The following CTNNA3 variants were observed in gnomAD, a reference collection of about 807,000 sequenced individuals.
CTNNA3 encodes the protein catenin alpha-3.
A neutral mutation model predicts 95.7 loss-of-function variants in CTNNA3; 76 were observed. The observed-to-expected ratio is 0.79, with a 90% confidence interval of 0.66 to 0.96. The LOEUF (loss-of-function observed/expected upper bound fraction) is 0.96, where lower values mean the gene tolerates loss of function less well. Among genes scored for constraint, CTNNA3 ranks in the 40% least tolerant of loss-of-function variants. The pLI is 0.00. For synonymous variants in CTNNA3, 431 were observed against 374.4 expected (o/e 1.15, Z -1.74); for missense variants, 1,191 against 1,089.8 (o/e 1.09, Z -1.31).
rs1195554305 is a variant in CTNNA3, at chr10:66,617,681, A to T, written c.1374+4011T>A. On this transcript the variant is annotated intron_variant, in intron 10 of 17. Coordinates refer to ENST00000433211, the MANE Select transcript of CTNNA3 (RefSeq NM_013266.4). ...AGGGATGCCCTCTCTCACCACTCCT[A>T]TTCAACATAGTGTTGGAAGTTCTGG... Among the ~76,000 whole-genome samples, 5 of 152,144 alleles carry T rather than the reference A, an allele frequency of 3.3e-5. No homozygotes were observed. In the South Asian group the frequency reaches 1.0e-3, roughly 31 times the overall value.
chr10:66,751,263 C>A (rs1349466236), intron 9 of CTNNA3, among the ~76,000 whole-genome samples: 1 of 151,596 alleles, frequency 6.6e-6, no homozygotes, highest in East Asian at 1.9e-4. Context: ...GTGAGACTAT[C>A]TTGAAAAAAA....
chr10:67,679,630 C>T (rs1482982320), intron 1 of CTNNA3, among the ~76,000 whole-genome samples: 2 of 152,274 alleles, frequency 1.3e-5, no homozygotes, highest in East Asian at 3.9e-4. Context: ...TTAGGAGCCA[C>T]TCATAGTAAA....
At chr10:66,268,017 AG>A (rs1407978168) in intron 13 of CTNNA3, among the ~76,000 whole-genome samples, 1 of 152,144 alleles carries the variant, frequency 6.6e-6, no homozygotes, top group Non-Finnish European at 1.5e-5. Context: ...CTAATTAATA[AG>A]CAAAAGACTG....
intron 12 of CTNNA3, among the ~76,000 whole-genome samples, chr10:66,329,304 T>C (rs764613660): frequency 2.4e-4 from 36 of 151,902 alleles, no homozygotes; most frequent in African/African-American, 7.5e-4. Flanking sequence ...GGGACCTCAA[T>C]AGATTGGATG....
chr10:67,537,908 T>G (rs2133198778), intron 4 of CTNNA3, among the ~76,000 whole-genome samples: 1 of 151,956 alleles, frequency 6.6e-6, no homozygotes, highest in South Asian at 2.1e-4. Context: ...CACCTACAAA[T>G]CCACTAGTAA....
intron 1 of CTNNA3, among the ~76,000 whole-genome samples, chr10:67,704,717 GCAAGGAC>G (rs1841067003): frequency 6.6e-6 from 1 of 151,964 alleles, no homozygotes; most frequent in Non-Finnish European, 1.5e-5. Flanking sequence ...ATAGGCATGG[GCAAGGAC>G]TTCATGTCTA....
intron 7 of CTNNA3, among the ~76,000 whole-genome samples, chr10:66,779,544 G>T (rs1393146607): frequency 6.6e-6 from 1 of 151,370 alleles, no homozygotes; most frequent in Non-Finnish European, 1.5e-5. Context: ...TGTACTTTTA[G>T]TAGAGGTGGG....
chr10:66,584,108 A>C (rs1328027525), intron 10 of CTNNA3, among the ~76,000 whole-genome samples: 1 of 151,926 alleles, frequency 6.6e-6, no homozygotes. Context: ...CATATAATCT[A>C]TCTTGGAGAA....
intron 5 of CTNNA3, among the ~76,000 whole-genome samples, chr10:67,348,006 T>G (rs1205208230): frequency 6.6e-6 from 1 of 152,118 alleles, no homozygotes; most frequent in Non-Finnish European, 1.5e-5. Flanking sequence ...ACAAGCAGCA[T>G]GCCAAAGGTC....
intron 7 of CTNNA3, among the ~76,000 whole-genome samples, chr10:66,920,342 A>G (rs943933463): frequency 2.0e-5 from 3 of 152,246 alleles, no homozygotes; most frequent in African/African-American, 7.2e-5. Context: ...GCACAGAATC[A>G]GTTCCAAATT....
chr10:66,385,662 C>G (rs113572134), intron 11 of CTNNA3, among the ~76,000 whole-genome samples: 2,577 of 152,258 alleles, frequency 0.017, 71 homozygotes, highest in African/African-American at 0.059. Flanking sequence ...AGATCAATAT[C>G]CCTGATGAAG....
At chr10:67,020,997 T>C (rs1852975421) in intron 7 of CTNNA3, among the ~76,000 whole-genome samples, 1 of 152,198 alleles carries the variant, frequency 6.6e-6, no homozygotes, top group Non-Finnish European at 1.5e-5. Context: ...AAGTCTGAGA[T>C]ACCAACTGAA....
chr10:66,411,254 G>GAAT (rs140092997), intron 11 of CTNNA3, among the ~76,000 whole-genome samples: 20,433 of 151,912 alleles, frequency 0.13, 1,746 homozygotes, highest in African/African-American at 0.25. Context: ...GTATAGACCA[G>GAAT]AATATTAAGA....
At chr10:66,265,507 G>A (rs2091125582) in intron 13 of CTNNA3, among the ~76,000 whole-genome samples, 1 of 151,972 alleles carries the variant, frequency 6.6e-6, no homozygotes, top group African/African-American at 2.4e-5. Flanking sequence ...GTATGAAAAT[G>A]TCAAAATAAC....
intron 7 of CTNNA3, among the ~76,000 whole-genome samples, chr10:67,017,919 G>A (rs1852761699): frequency 6.6e-6 from 1 of 151,930 alleles, no homozygotes; most frequent in Non-Finnish European, 1.5e-5. Context: ...ACAGGGGTGT[G>A]CCACCACGCC....
chr10:66,702,775 C>T (rs1377846409), intron 9 of CTNNA3, among the ~76,000 whole-genome samples: 1 of 145,466 alleles, frequency 6.9e-6, no homozygotes, highest in African/African-American at 2.7e-5. Context: ...CCATCGTCGT[C>T]GTCGTTGTCG....
intron 5 of CTNNA3, among the ~76,000 whole-genome samples, chr10:67,469,073 G>A (rs1267645632): frequency 6.6e-6 from 1 of 152,100 alleles, no homozygotes; most frequent in African/African-American, 2.4e-5. Flanking sequence ...GAGTGTACCT[G>A]GGACCAATGC....
At position 66,078,075 on chromosome 10, in the gene CTNNA3, G is replaced by A. The variant is rs114367958; in HGVS notation, c.1978-8586C>T. 6.2e-3 allele frequency among the ~76,000 whole-genome samples: 937 copies of A among 151,834 alleles called. 9 individuals are homozygous for A. The highest frequency in any genetic ancestry group is 0.021 in the African/African-American group (878 of 41,476). On this transcript the variant is annotated intron_variant, in intron 14 of 17. Transcript: ENST00000433211. ...TTTTTCCACTTGATATCTTACTTTT[G>A]TCTTCCAACAACAGGCAAGTACTTC...
At chr10:67,150,771 G>T (rs1245209954) in intron 7 of CTNNA3, among the ~76,000 whole-genome samples, 1 of 152,130 alleles carries the variant, frequency 6.6e-6, no homozygotes, top group Non-Finnish European at 1.5e-5. Flanking sequence ...TTATCTGTAT[G>T]CACTCATCAT....
Sources: gnomAD v4.1 joint callset for allele counts (sites outside exome capture counted in the v4.1 genomes callset) on GRCh38, gnomAD v4.1.1 for gene constraint, MANE v1.5 for transcripts, NCBI Gene and HGNC (gene_info 2026-07-23, HGNC 2026-07-21) for gene names.